Variants in RCOR1 observed in about 807,000 individuals in gnomAD.
RCOR1 encodes REST corepressor 1.
Under a neutral mutation model 64.0 loss-of-function variants are expected in RCOR1, and 12 were observed. The ratio of observed to expected loss-of-function variants is 0.19; its 90% confidence interval spans 0.12 to 0.30. RCOR1 has a LOEUF of 0.30. RCOR1 is among the 10% of genes least tolerant of loss of function. The pLI, the probability that RCOR1 is intolerant of heterozygous loss-of-function variation, is 1.00. For missense variants in RCOR1, 502 were observed against 621.2 expected (o/e 0.81, Z 2.04); for synonymous variants, 279 against 227.2 (o/e 1.23, Z -2.05).
At chr14:102,688,066 A>G (rs933405655) in intron 3 of RCOR1, among the ~76,000 whole-genome samples, 60 of 151,304 alleles carry the variant, frequency 4.0e-4, no homozygotes, top group African/African-American at 1.4e-3. Flanking sequence ...TCCTGGGTTC[A>G]AGCAGTTCTC....
chr14:102,713,747 A>T (rs141345640), intron 7 of RCOR1, among the ~76,000 whole-genome samples: 2 of 152,346 alleles, frequency 1.3e-5, no homozygotes, highest in East Asian at 3.9e-4. Flanking sequence ...ATAGTTTTGC[A>T]GTGTCTTTAG....
intron 6 of RCOR1, among the ~76,000 whole-genome samples, chr14:102,710,482 C>T (rs745688830): frequency 6.6e-6 from 1 of 152,062 alleles, no homozygotes; most frequent in Non-Finnish European, 1.5e-5. Context: ...GGTAGAAAGA[C>T]GGTACTTGGA....
At chr14:102,726,446 T>G (rs1301924292) in intron 11 of RCOR1, 22 bp from the exon 12 acceptor site, 1 of 1,572,056 alleles carries the variant, frequency 6.4e-7, no homozygotes, top group East Asian at 2.2e-5. Flanking sequence ...CCTTTTTTTT[T>G]TTTTTTTCCT....
intron 3 of RCOR1, among the ~76,000 whole-genome samples, chr14:102,687,191 A>G (rs1184714949): frequency 1.3e-5 from 2 of 152,218 alleles, no homozygotes; most frequent in African/African-American, 4.8e-5. Context: ...TAATGGAGAG[A>G]CAGAAAAAAT....
At chr14:102,709,022 A>G (rs1895910550) in intron 6 of RCOR1, among the ~76,000 whole-genome samples, 1 of 152,136 alleles carries the variant, frequency 6.6e-6, no homozygotes, top group Non-Finnish European at 1.5e-5. Flanking sequence ...ACATTTTATA[A>G]TCTCTTAGTA....
intron 2 of RCOR1, among the ~76,000 whole-genome samples, chr14:102,676,193 G>T (rs1353468970): frequency 1.3e-5 from 2 of 150,396 alleles, no homozygotes; most frequent in African/African-American, 4.9e-5. Flanking sequence ...AACCGCCATT[G>T]TCATCATGGC....
intron 3 of RCOR1, among the ~76,000 whole-genome samples, chr14:102,682,503 T>C (rs1476054249): frequency 6.6e-6 from 1 of 152,232 alleles, no homozygotes; most frequent in Non-Finnish European, 1.5e-5. Flanking sequence ...TGTAAAAGCT[T>C]TGTTTTCCTG....
chr14:102,676,106 A>T (rs1360671703), intron 2 of RCOR1, among the ~76,000 whole-genome samples: 3 of 146,814 alleles, frequency 2.0e-5, no homozygotes, highest in African/African-American at 7.6e-5. Flanking sequence ...TCCCATGTCT[A>T]CTTCTATCCA....
intron 3 of RCOR1, among the ~76,000 whole-genome samples, chr14:102,684,367 G>T (rs1331323808): frequency 6.6e-6 from 1 of 152,136 alleles, no homozygotes; most frequent in African/African-American, 2.4e-5. Context: ...GGGTGGAAGG[G>T]CCTTGGGGTG....
At chr14:102,720,890 A>G (rs1896157266) in intron 8 of RCOR1, 117 bp from the exon 9 acceptor site, 6 of 586,434 alleles carry the variant, frequency 1.0e-5, no homozygotes, top group Non-Finnish European at 1.8e-5. Context: ...TTCAGCTACA[A>G]CAGATGTTAG....
At chr14:102,637,592 A>G (rs1222636139) in intron 2 of RCOR1, among the ~76,000 whole-genome samples, 1 of 152,082 alleles carries the variant, frequency 6.6e-6, no homozygotes, top group African/African-American at 2.4e-5. Context: ...CTAGGACCAC[A>G]GGCACCATCG....
intron 2 of RCOR1, among the ~76,000 whole-genome samples, chr14:102,600,689 G>C (rs1454229503): frequency 1.3e-5 from 2 of 151,046 alleles, no homozygotes; most frequent in African/African-American, 4.9e-5. Context: ...TCCTGCCTCA[G>C]CCTCCCGAGT....
At chr14:102,653,915 ATTTCCTTCTTTCTTTCTTTCTTTCTTTC>A (rs1894646296) in intron 2 of RCOR1, among the ~76,000 whole-genome samples, 1 of 127,256 alleles carries the variant, frequency 7.9e-6, no homozygotes, top group East Asian at 2.6e-4. Context: ...CATCTCAGGT[ATTTCCTTCTTTCTTTCTTTCTTTCTTTC>A]TTTCTTTCTT....
chr14:102,593,892 C>A (rs1255183401), intron 2 of RCOR1, among the ~76,000 whole-genome samples: 1 of 152,198 alleles, frequency 6.6e-6, no homozygotes, highest in African/African-American at 2.4e-5. Flanking sequence ...CCAGAGGGCG[C>A]CTGCCTGGGG....
chr14:102,687,321 A>G (rs867887991), intron 3 of RCOR1, among the ~76,000 whole-genome samples: 4 of 152,366 alleles, frequency 2.6e-5, no homozygotes, highest in East Asian at 1.9e-4. Context: ...GCCAGTTATT[A>G]CAGTAGCCAA....
rs187965763 is a variant in RCOR1, at chr14:102,621,585, G to A, written c.361+28260G>A. On this transcript the variant is annotated intron_variant, in intron 2 of 11. Coordinates refer to ENST00000262241, the MANE Select transcript of RCOR1 (RefSeq NM_015156.4). ...TTTACTATTTCATTTTTTTCTTTTC[G>A]TCTTCTAGCGTACTGTAAATTTACA... 3.0e-3 allele frequency among the ~76,000 whole-genome samples: 461 copies of A among 151,460 alleles called. 7 individuals carry two copies. The highest frequency in any genetic ancestry group is 7.2e-3 in the Admixed American group (109 of 15,188).
intron 2 of RCOR1, among the ~76,000 whole-genome samples, chr14:102,673,354 T>TA (rs71470222): frequency 2.7e-5 from 4 of 149,702 alleles, no homozygotes; most frequent in African/African-American, 1.0e-4. Flanking sequence ...TTTTTTTTTT[T>TA]AAGACAGAGT....
chr14:102,598,584 A>C (rs190436049), intron 2 of RCOR1, among the ~76,000 whole-genome samples: 1 of 150,132 alleles, frequency 6.7e-6, no homozygotes, highest in South Asian at 2.1e-4. Context: ...AGTAGCTGGG[A>C]CTACAGGCGC....
intron 2 of RCOR1, among the ~76,000 whole-genome samples, chr14:102,645,616 G>A (rs1192052331): frequency 6.6e-6 from 1 of 152,188 alleles, no homozygotes; most frequent in Non-Finnish European, 1.5e-5. Context: ...CCCAAAGCCA[G>A]TAGCACAGTT....
Sources: gnomAD v4.1 joint callset for allele counts (sites outside exome capture counted in the v4.1 genomes callset) on GRCh38, gnomAD v4.1.1 for gene constraint, MANE v1.5 for transcripts, NCBI Gene and HGNC (gene_info 2026-07-23, HGNC 2026-07-21) for gene names.